ADNP: variants seen among roughly 807,000 people sequenced by gnomAD.
ADNP encodes activity-dependent neuroprotector homeobox protein.
In ADNP, 4 loss-of-function variants were observed where a neutral mutation model predicts 84.9. That is an observed-to-expected ratio of 0.05 (90% CI 0.02 to 0.11). ADNP has a LOEUF of 0.11. ADNP is among the 10% of genes least tolerant of loss of function. The probability of loss-of-function intolerance (pLI) is 1.00; values close to 1 mark genes in which losing one functional copy is unlikely to be tolerated. For synonymous variants in ADNP, 554 were observed against 468.1 expected, an observed-to-expected ratio of 1.18 and a Z score of -2.37; for missense variants, 1,132 against 1,326.0, an observed-to-expected ratio of 0.85 and a Z score of 2.27.
chr20:50,930,224 G>A (rs1984594801), intron 1 of ADNP, among the ~76,000 whole-genome samples: 1 of 152,210 alleles, frequency 6.6e-6, no homozygotes, highest in South Asian at 2.1e-4. Flanking sequence ...TGCTGACCAG[G>A]CAGCTGAGAT....
In ADNP at chr20:50,890,188, T is replaced by G; in HGVS notation, c.*1217A>C. On this transcript the variant is annotated 3_prime_UTR_variant, in exon 6 of 6. Transcript: ENST00000621696. Reference sequence around the variant, plus strand: ...AAAAACAGATTTTGTACCAGGTGCCTCAAGAGAAAGCATTCTATTTGCAGA... The same window carrying G: ...AAAAACAGATTTTGTACCAGGTGCCGCAAGAGAAAGCATTCTATTTGCAGA... 1 of 238,908 alleles carries G rather than the reference T, an allele frequency of 4.2e-6. No homozygotes were observed. The highest frequency in any genetic ancestry group is 7.6e-6 in the Non-Finnish European group (1 of 131,022). 14.8% of individuals were successfully genotyped at this position (238,908 alleles called of 1,614,324 possible).
rs1455902794 is a variant in ADNP, at chr20:50,891,604, T to G, written c.3110A>C (p.Glu1037Ala). ...TGACTGGTCCTTAGACCAAAACCCTTCAACTTTTCCATAGGAACTATTCTT... is the reference window on the plus strand; with the variant it reads ...TGACTGGTCCTTAGACCAAAACCCTGCAACTTTTCCATAGGAACTATTCTT... ...KWKNSSYGKVEGFWSKDQSQW... is the reference protein window; with the variant it reads ...KWKNSSYGKVAGFWSKDQSQW... Residue 1037 changes from glutamate to alanine, a missense_variant, in exon 6 of 6, where the codon GAA becomes GCA. By Grantham distance (107) the Glu-to-Ala change is moderately radical. Transcript: ENST00000621696. The G allele has an allele frequency of 6.2e-7, 1 of 1,613,898 alleles. No homozygotes were observed. Among genetic ancestry groups the G allele is most frequent in the East Asian group, 2.2e-5 (1 of 44,882 alleles).
intron 5 of ADNP, among the ~76,000 whole-genome samples, chr20:50,900,679 C>T (rs763589302): frequency 6.6e-6 from 1 of 152,118 alleles, no homozygotes; most frequent in Non-Finnish European, 1.5e-5. Context: ...TCAGGGCCCA[C>T]GATGTTTTAG....
At chr20:50,929,995 G>C (rs1041366678) in intron 1 of ADNP, among the ~76,000 whole-genome samples, 2 of 152,040 alleles carry the variant, frequency 1.3e-5, no homozygotes, top group African/African-American at 4.8e-5. Context: ...GGGCAGAAGA[G>C]GAAGAGAAGC....
In ADNP at chr20:50,893,493, T is replaced by G. The variant is rs775813155; in HGVS notation, c.1221A>C (p.Leu407Phe). 1.9e-6 allele frequency: 3 copies of G among 1,613,928 alleles called. No individual in the cohort carries two copies. The South Asian group carries it at 3.3e-5, about 18-fold the overall frequency. ...GTGACTGAGAGAGGGAAGGAGACTT[T>G]AACTGGCCCGATGAGAGAGAAGAGG... ...ANASSLSSGQ[L>F]KSPSLSQSQA... is the part of the protein sequence containing the mutation. The change falls in exon 6 of 6, where the codon TTA (leucine) becomes TTC (phenylalanine). Residue 407 changes from leucine (L) to phenylalanine (F), a missense_variant. Physicochemically the swap from Leu to Phe is conservative, Grantham distance 22 (BLOSUM62 0). Around this residue, in one of 10 missense-constraint regions of ADNP, gnomAD observed 239 missense variants for 213.2 expected, o/e 1.12. Coordinates refer to ENST00000621696, the MANE Select transcript of ADNP (RefSeq NM_001282531.3). The surrounding 1 kb of genome is among the most constrained non-coding windows in gnomAD (Gnocchi z 4.4).
rs776823194 is a variant in ADNP, at chr20:50,919,287, A to ACATATATAT, written c.-90+9363_-90+9364insATATATATG. On this transcript the variant is annotated intron_variant, in intron 2 of 5. Transcript: ENST00000621696. Reference sequence around the variant, plus strand: ...CCAGCCTGAAAAAATACATATATTTAAGTGTATATATATATATATATATAT... The same window carrying ACATATATAT: ...CCAGCCTGAAAAAATACATATATTTACATATATATAGTGTATATATATATATATATATAT... Among the ~76,000 whole-genome samples the ACATATATAT allele has an allele frequency of 7.0e-3, 890 of 128,018 alleles. 31 individuals are homozygous for ACATATATAT. The highest frequency in any genetic ancestry group is 0.021 in the African/African-American group (570 of 26,804). The allele number at this position is 128,018 out of a possible 152,430, so 84.0% of individuals were successfully genotyped here.
intron 2 of ADNP, among the ~76,000 whole-genome samples, chr20:50,915,711 G>C (rs1428174060): frequency 1.3e-5 from 2 of 152,158 alleles, no homozygotes; most frequent in Non-Finnish European, 2.9e-5. Flanking sequence ...TGTGCAGCAA[G>C]ACAGAGGTAA....
chr20:50,912,360 G>A (rs1004901565), intron 2 of ADNP, among the ~76,000 whole-genome samples: 5 of 152,124 alleles, frequency 3.3e-5, no homozygotes, highest in Non-Finnish European at 7.4e-5. Flanking sequence ...ATGTTGGCCA[G>A]GCTGGTCTCG....
intron 5 of ADNP, among the ~76,000 whole-genome samples, chr20:50,899,507 G>A: frequency 6.6e-6 from 1 of 152,062 alleles, no homozygotes; most frequent in African/African-American, 2.4e-5. Context: ...CCAGCGCCCG[G>A]CCGGTAATGA....
chr20:50,920,792 T>G (rs2122972434), intron 2 of ADNP, among the ~76,000 whole-genome samples: 1 of 152,328 alleles, frequency 6.6e-6, no homozygotes, highest in East Asian at 1.9e-4. Context: ...AAATTTGTGC[T>G]AATAATACTA....
In ADNP at chr20:50,922,148, C is replaced by A. The variant is rs536022550; in HGVS notation, c.-90+6503G>T. On this transcript the variant is annotated intron_variant, in intron 2 of 5. Coordinates refer to ENST00000621696, the MANE Select transcript of ADNP (RefSeq NM_001282531.3). ...ACTTTGTTTTTCCTCTGCCCTCACA[C>A]CACACAGAAGTCGTGAAGTTGTCTT... 2.6e-3 allele frequency among the ~76,000 whole-genome samples: 400 copies of A among 152,302 alleles called. 2 individuals carry two copies. Among genetic ancestry groups the A allele is most frequent in the Non-Finnish European group, 4.0e-3 (274 of 68,016 alleles).
chr20:50,897,151 G>A (rs1981490023), intron 5 of ADNP, among the ~76,000 whole-genome samples: 1 of 152,154 alleles, frequency 6.6e-6, no homozygotes, highest in Non-Finnish European at 1.5e-5. Context: ...ATGTCGGCCA[G>A]GCTGGTCTTG....
rs2098673003 is a variant in ADNP, at chr20:50,892,902, A to G, written c.1812T>C (p.Pro604=). The G allele has an allele frequency of 6.2e-7, 1 of 1,614,242 alleles. No individual in the cohort carries two copies. Among genetic ancestry groups the G allele is most frequent in the South Asian group, 1.1e-5 (1 of 91,090 alleles). ...QPKVQEKADI[P]VKSSPQAAVP... Reference sequence around the variant, plus strand: ...CTGCAGCTTGAGGTGAACTTTTTACAGGGATATCTGCCTTTTCCTGAACCT... The same window carrying G: ...CTGCAGCTTGAGGTGAACTTTTTACGGGGATATCTGCCTTTTCCTGAACCT... Residue 604 remains proline (P), a synonymous_variant, in exon 6 of 6, where the codon CCT becomes CCC. Transcript: ENST00000621696.
At position 50,889,600 on chromosome 20, in the gene ADNP, C is replaced by G. The variant is rs916593501; in HGVS notation, c.*1805G>C. 10 of 334,012 alleles carry G rather than the reference C, an allele frequency of 3.0e-5. No homozygotes were observed. Among genetic ancestry groups the G allele is most frequent in the African/African-American group, 1.9e-4 (9 of 47,326 alleles). 20.7% of individuals were successfully genotyped at this position (334,012 alleles called of 1,614,324 possible). On this transcript the variant is annotated 3_prime_UTR_variant, in exon 6 of 6. Coordinates refer to ENST00000621696, the MANE Select transcript of ADNP (RefSeq NM_001282531.3). ...GGTAACAGCATTAACAAGAGTCTTT[C>G]TTTTGGAAACAGACTCAGAAGTTAT...
intron 2 of ADNP, among the ~76,000 whole-genome samples, chr20:50,923,499 T>C (rs1397821389): frequency 3.9e-5 from 6 of 151,996 alleles, no homozygotes; most frequent in African/African-American, 7.2e-5. Context: ...TTATTTGCAT[T>C]TTTTTTGGTT....
At chr20:50,898,728 A>G (rs1361514561) in intron 5 of ADNP, among the ~76,000 whole-genome samples, 1 of 152,252 alleles carries the variant, frequency 6.6e-6, no homozygotes, top group Admixed American at 6.5e-5. Context: ...AAATACCATG[A>G]GATTAAACCA....
In ADNP at chr20:50,893,804, C is replaced by A; in HGVS notation, c.910G>T (p.Val304Leu). Reference protein sequence around the residue: ...NVRSLPSQQMVNRLSIPKPNL... With the variant: ...NVRSLPSQQMLNRLSIPKPNL... ...GGCTTTGGTATTGAGAGTCGATTCA[C>A]CATCTGCTGTGATGGTAAAGACCGG... is the stretch of plus-strand genomic sequence containing the variant. Residue 304 changes from valine (V) to leucine (L), a missense_variant, in exon 6 of 6, where the codon GTG (valine) becomes TTG (leucine). Val to Leu is a conservative substitution (Grantham distance 32). This residue lies in a region of ADNP where 239 missense variants were observed against 213.2 expected (regional missense o/e 1.12). Transcript: ENST00000621696. The surrounding 1 kb of genome is among the most constrained non-coding windows in gnomAD (Gnocchi z 4.4). The A allele has an allele frequency of 1.9e-6, 3 of 1,614,138 alleles. No individual in the cohort carries two copies. Among genetic ancestry groups the A allele is most frequent in the Non-Finnish European group, 2.5e-6 (3 of 1,180,022 alleles).
chr20:50,911,048 C>T (rs1383748794), intron 2 of ADNP, among the ~76,000 whole-genome samples: 1 of 152,182 alleles, frequency 6.6e-6, no homozygotes, highest in Non-Finnish European at 1.5e-5. Context: ...CTGATTAGGG[C>T]CCAAACATTA....
At chr20:50,922,927 T>C (rs1194245657) in intron 2 of ADNP, among the ~76,000 whole-genome samples, 2 of 152,014 alleles carry the variant, frequency 1.3e-5, no homozygotes, top group African/African-American at 4.8e-5. Context: ...CTTACTTCCC[T>C]TCCCCGGGGT....
Sources: allele counts gnomAD v4.1 joint callset (sites outside exome capture counted in the v4.1 genomes callset), GRCh38; gene constraint gnomAD v4.1.1; regional missense constraint gnomAD v4.1.1; non-coding constraint Gnocchi (gnomAD v3.1); transcripts MANE v1.5; gene names NCBI Gene and HGNC (gene_info 2026-07-23, HGNC 2026-07-21).